Variants in KIT observed in about 807,000 individuals in gnomAD.
KIT encodes the protein KIT proto-oncogene, receptor tyrosine kinase.
In KIT, 16 loss-of-function variants were observed where a neutral mutation model predicts 105.7. That is an observed-to-expected ratio of 0.15 (90% CI 0.10 to 0.23). The LOEUF is 0.23. Among genes scored for constraint, KIT ranks in the 10% least tolerant of loss-of-function variants. KIT has a pLI of 1.00. For missense variants in KIT, 858 were observed against 1,213.8 expected (o/e 0.71, Z 4.36); for synonymous variants, 438 against 441.1 (o/e 0.99, Z 0.09).
At chr4:54,682,332 C>T (rs1325644830) in intron 1 of KIT, among the ~76,000 whole-genome samples, 3 of 152,132 alleles carry the variant, frequency 2.0e-5, no homozygotes, top group African/African-American at 7.2e-5. Flanking sequence ...AAGCAATCCT[C>T]CCGCCTTGAC....
chr4:54,710,095 A>G (rs1198990473), intron 7 of KIT, among the ~76,000 whole-genome samples: 4 of 152,186 alleles, frequency 2.6e-5, no homozygotes, highest in Middle Eastern at 3.2e-3. Flanking sequence ...GGCCATGGGC[A>G]CCTGAGCACC....
chr4:54,673,304 A>G (rs149789067), intron 1 of KIT, among the ~76,000 whole-genome samples: 6 of 152,276 alleles, frequency 3.9e-5, no homozygotes, highest in Admixed American at 3.9e-4. Context: ...TGTATTCTGT[A>G]TCTGCCACTT....
chr4:54,712,167 C>G (rs879276580), intron 7 of KIT, among the ~76,000 whole-genome samples: 1 of 152,300 alleles, frequency 6.6e-6, no homozygotes, highest in Admixed American at 6.5e-5. Flanking sequence ...ATTCCCAATA[C>G]ATTGTGGATC....
intron 20 of KIT, 25 bp from the exon 21 acceptor site, chr4:54,738,404 T>C: frequency 6.2e-7 from 1 of 1,613,966 alleles, no homozygotes; most frequent in Non-Finnish European, 8.5e-7. Context: ...GACTGCTGTA[T>C]TGACTATGGG....
At chr4:54,709,126 G>T (rs369078667) in intron 6 of KIT, among the ~76,000 whole-genome samples, 71 of 152,186 alleles carry the variant, frequency 4.7e-4, no homozygotes, top group African/African-American at 1.5e-3. Flanking sequence ...CCAGGGTGGT[G>T]GGGGGAGGGC....
intron 4 of KIT, among the ~76,000 whole-genome samples, chr4:54,700,825 A>G (rs1453056555): frequency 6.6e-6 from 1 of 152,192 alleles, no homozygotes; most frequent in Non-Finnish European, 1.5e-5. Flanking sequence ...TATCTTGCTA[A>G]ATGAAGCCTG....
At position 54,731,993 on chromosome 4, in the gene KIT, A is replaced by G; in HGVS notation, c.2356A>G (p.Lys786Glu). ...VAKGMAFLAS[K>E]NCIHRDLAAR... ...AAAGGGCATGGCTTTCCTCGCCTCC[A>G]AGAATGTAAGTGGGAGTGATTCTCT... is the stretch of plus-strand genomic sequence containing the variant. Residue 786 changes from lysine (K) to glutamate (E), a missense_variant, in exon 16 of 21, where the codon AAG becomes GAG. Lys to Glu is a moderately conservative substitution (Grantham distance 56). Transcript: ENST00000288135. 1.2e-6 allele frequency: 2 copies of G among 1,613,198 alleles called. No individual in the cohort carries two copies. The highest frequency in any genetic ancestry group is 1.7e-6 in the Non-Finnish European group (2 of 1,179,634).
chr4:54,718,661 T>C (rs992074995), intron 7 of KIT, among the ~76,000 whole-genome samples: 1 of 152,252 alleles, frequency 6.6e-6, no homozygotes, highest in African/African-American at 2.4e-5. Flanking sequence ...AGTAAAAGTT[T>C]GCTGAGCCCT....
At chr4:54,674,301 C>T (rs1718316773) in intron 1 of KIT, among the ~76,000 whole-genome samples, 1 of 152,182 alleles carries the variant, frequency 6.6e-6, no homozygotes, top group South Asian at 2.1e-4. Context: ...AACATTCTGG[C>T]ACATTGGACA....
At chr4:54,722,895 A>G (rs920622193) in intron 7 of KIT, among the ~76,000 whole-genome samples, 2 of 143,120 alleles carry the variant, frequency 1.4e-5, no homozygotes, top group Non-Finnish European at 1.5e-5. Context: ...GTATTTATAT[A>G]TATATATTCA....
chr4:54,713,649 T>C (rs1721292619), intron 7 of KIT, among the ~76,000 whole-genome samples: 1 of 152,228 alleles, frequency 6.6e-6, no homozygotes, highest in Non-Finnish European at 1.5e-5. Flanking sequence ...AGAAATGCTA[T>C]TGAAAATCCT....
At chr4:54,668,270 T>C (rs1012335595) in intron 1 of KIT, among the ~76,000 whole-genome samples, 28 of 152,150 alleles carry the variant, frequency 1.8e-4, no homozygotes, top group Admixed American at 1.3e-3. Context: ...ACTCTGTCAC[T>C]TAAGGAAGAG....
intron 14 of KIT, 82 bp downstream of exon 14, chr4:54,729,567 T>TA (rs552527240): frequency 2.9e-6 from 4 of 1,376,470 alleles, no homozygotes; most frequent in Non-Finnish European, 3.1e-6. Flanking sequence ...GCTGATTCTT[T>TA]AAAAAATGAA....
chr4:54,708,756 T>C (rs918021518), intron 6 of KIT, among the ~76,000 whole-genome samples: 4 of 151,910 alleles, frequency 2.6e-5, no homozygotes, highest in Non-Finnish European at 5.9e-5. Context: ...TTGTGGCCCA[T>C]GTGGATCGTG....
At chr4:54,675,844 G>A (rs1254866005) in intron 1 of KIT, among the ~76,000 whole-genome samples, 1 of 152,158 alleles carries the variant, frequency 6.6e-6, no homozygotes, top group African/African-American at 2.4e-5. Flanking sequence ...GCTCTCAGAT[G>A]TAGTGCACCA....
chr4:54,727,335 AT>A lies in KIT; in HGVS notation c.1647+14del. On this transcript the variant is annotated intron_variant, in intron 10 of 20. Coordinates refer to ENST00000288135, the MANE Select transcript of KIT (RefSeq NM_000222.3). ...TACAAATATTTACAGGTAACCATTTATTTGTTCTCTCTCCAGAGTGCTCTAA... is the reference window on the plus strand; with the variant it reads ...TACAAATATTTACAGGTAACCATTTATTGTTCTCTCTCCAGAGTGCTCTAA... The A allele has an allele frequency of 6.2e-7, 1 of 1,613,652 alleles. No homozygotes were observed. Among genetic ancestry groups the A allele is most frequent in the Non-Finnish European group, 8.5e-7 (1 of 1,179,534 alleles).
At chr4:54,690,327 A>G (rs1719619800) in intron 1 of KIT, among the ~76,000 whole-genome samples, 1 of 152,162 alleles carries the variant, frequency 6.6e-6, no homozygotes, top group Non-Finnish European at 1.5e-5. Flanking sequence ...CATTTCTTTT[A>G]TTTTGAGCTA....
intron 1 of KIT, among the ~76,000 whole-genome samples, chr4:54,664,053 AAGG>A (rs1362120762): frequency 6.6e-6 from 1 of 152,168 alleles, no homozygotes; most frequent in Non-Finnish European, 1.5e-5. Flanking sequence ...CAGGATTTTC[AAGG>A]AGATGAGCTT....
intron 14 of KIT, among the ~76,000 whole-genome samples, chr4:54,731,069 A>G (rs578082099): frequency 6.6e-6 from 1 of 152,256 alleles, no homozygotes; most frequent in South Asian, 2.1e-4. Flanking sequence ...AGAGACGGGA[A>G]ATTTCTAACC....
Sources: allele counts gnomAD v4.1 joint callset (sites outside exome capture counted in the v4.1 genomes callset), GRCh38; gene constraint gnomAD v4.1.1; transcripts MANE v1.5; gene names NCBI Gene and HGNC (gene_info 2026-07-23, HGNC 2026-07-21).